Variants in GPC6 observed in about 807,000 individuals in gnomAD.
The protein encoded by GPC6 is glypican 6, also known as glypican-6.
Under a neutral mutation model 55.2 loss-of-function variants are expected in GPC6, and 14 were observed. The ratio of observed to expected loss-of-function variants is 0.25; its 90% CI spans 0.17 to 0.40. The LOEUF is 0.40. Ranked by LOEUF, GPC6 falls within the 10% of genes least tolerant of loss-of-function variation. The pLI is 1.00. For missense variants in GPC6, 641 were observed against 708.5 expected (o/e 0.90, Z 1.08); for synonymous variants, 278 against 259.6 (o/e 1.07, Z -0.68).
chr13:94,312,842 A>G (rs944986791), intron 6 of GPC6, among the ~76,000 whole-genome samples: 1 of 152,256 alleles, frequency 6.6e-6, no homozygotes, highest in African/African-American at 2.4e-5. Flanking sequence ...TTCTAAAGAT[A>G]AATGGGTCAA....
intron 7 of GPC6, among the ~76,000 whole-genome samples, chr13:94,393,945 C>T (rs752024096): frequency 7.2e-5 from 11 of 152,056 alleles, no homozygotes; most frequent in Admixed American, 3.9e-4. Flanking sequence ...TTGAGAATAG[C>T]GGGGGCTGTG....
At chr13:93,726,356 CAA>C (rs1249528968) in intron 2 of GPC6, among the ~76,000 whole-genome samples, 1 of 152,006 alleles carries the variant, frequency 6.6e-6, no homozygotes, top group African/African-American at 2.4e-5. Flanking sequence ...AAATTGGCTT[CAA>C]GTTTCCACCT....
chr13:93,415,551 A>G (rs1876666135), intron 1 of GPC6, among the ~76,000 whole-genome samples: 2 of 152,142 alleles, frequency 1.3e-5, no homozygotes, highest in Admixed American at 1.3e-4. Context: ...TCAGAAGATT[A>G]GTCACTGGGT....
chr13:94,020,559 T>A (rs1047464176), intron 3 of GPC6, among the ~76,000 whole-genome samples: 3 of 152,184 alleles, frequency 2.0e-5, no homozygotes, highest in Admixed American at 2.0e-4. Flanking sequence ...TGGCACTGTG[T>A]CTGCCATTTG....
chr13:93,355,952 C>T (rs1325533932), intron 1 of GPC6, among the ~76,000 whole-genome samples: 2 of 152,052 alleles, frequency 1.3e-5, no homozygotes, highest in Non-Finnish European at 2.9e-5. Flanking sequence ...GATGGAGGCT[C>T]TGTGATATTG....
intron 3 of GPC6, among the ~76,000 whole-genome samples, chr13:93,944,206 ATTTATTTATTTT>A (rs899233336): frequency 5.9e-5 from 4 of 67,384 alleles, no homozygotes; most frequent in South Asian, 4.8e-4. Flanking sequence ...TTATTTATTT[ATTTATTTATTTT>A]TTCCTGACGG....
intron 5 of GPC6, among the ~76,000 whole-genome samples, chr13:94,304,748 G>T (rs1037768974): frequency 7.2e-5 from 11 of 152,184 alleles, no homozygotes; most frequent in African/African-American, 2.7e-4. Context: ...AATCACTGTG[G>T]AAAAGAACTG....
At chr13:94,156,549 G>T (rs1268037764) in intron 4 of GPC6, among the ~76,000 whole-genome samples, 1 of 152,128 alleles carries the variant, frequency 6.6e-6, no homozygotes, top group Non-Finnish European at 1.5e-5. Context: ...AAATGTGATA[G>T]TACTGTTGGA....
intron 4 of GPC6, among the ~76,000 whole-genome samples, chr13:94,039,084 G>A (rs541168720): frequency 6.6e-6 from 1 of 152,084 alleles, no homozygotes; most frequent in African/African-American, 2.4e-5. Context: ...GTGGTAGGAA[G>A]GTAGGAATAA....
At chr13:93,324,638 A>T (rs1879587127) in intron 1 of GPC6, among the ~76,000 whole-genome samples, 1 of 147,670 alleles carries the variant, frequency 6.8e-6, no homozygotes, top group South Asian at 2.1e-4. Context: ...CTAGACAACA[A>T]AATATGTACT....
intron 2 of GPC6, among the ~76,000 whole-genome samples, chr13:93,802,346 C>T (rs1465900936): frequency 6.6e-6 from 1 of 151,992 alleles, no homozygotes; most frequent in Admixed American, 6.6e-5. Flanking sequence ...AGACACTTCC[C>T]CTTCCCGAAT....
chr13:94,006,573 C>G (rs1882029096), intron 3 of GPC6, among the ~76,000 whole-genome samples: 1 of 152,124 alleles, frequency 6.6e-6, no homozygotes, highest in Non-Finnish European at 1.5e-5. Flanking sequence ...AAGTAAAAAC[C>G]AGGAGGCAGT....
chr13:93,318,945 G>T (rs1879335791), intron 1 of GPC6, among the ~76,000 whole-genome samples: 2 of 152,154 alleles, frequency 1.3e-5, no homozygotes. Flanking sequence ...TCAGAATGAG[G>T]TTTATTCTAT....
chr13:94,373,037 G>A (rs1272875858), intron 6 of GPC6, among the ~76,000 whole-genome samples: 3 of 152,156 alleles, frequency 2.0e-5, no homozygotes, highest in African/African-American at 4.8e-5. Flanking sequence ...AAAACAGAAA[G>A]GACATCCACA....
At chr13:94,115,900 G>A (rs747501872) in intron 4 of GPC6, among the ~76,000 whole-genome samples, 1 of 151,936 alleles carries the variant, frequency 6.6e-6, no homozygotes, top group Non-Finnish European at 1.5e-5. Flanking sequence ...AAGTCCTACG[G>A]TGATTCTTTT....
intron 1 of GPC6, among the ~76,000 whole-genome samples, chr13:93,521,411 A>AT (rs1881417786): frequency 6.6e-6 from 1 of 151,990 alleles, no homozygotes; most frequent in Non-Finnish European, 1.5e-5. Context: ...CATCACTTAA[A>AT]TGTGACAGCC....
chr13:93,297,331 G>A (rs4773729), intron 1 of GPC6, among the ~76,000 whole-genome samples: 4,252 of 152,246 alleles, frequency 0.028, 172 homozygotes, highest in East Asian at 0.14. Context: ...AGGATAAATA[G>A]CTAATGCATG....
intron 1 of GPC6, among the ~76,000 whole-genome samples, chr13:93,416,476 T>C (rs1876701415): frequency 6.6e-6 from 1 of 152,090 alleles, no homozygotes; most frequent in African/African-American, 2.4e-5. Flanking sequence ...AGGCATGCAA[T>C]GTGAAATAGT....
intron 4 of GPC6, among the ~76,000 whole-genome samples, chr13:94,087,477 T>C (rs1032691389): frequency 1.3e-5 from 2 of 152,230 alleles, no homozygotes; most frequent in Admixed American, 6.5e-5. Flanking sequence ...CATTGTTTGA[T>C]CAGCTACTTG....
Sources: gnomAD v4.1 joint callset for allele counts (sites outside exome capture counted in the v4.1 genomes callset) on GRCh38, gnomAD v4.1.1 for gene constraint, MANE v1.5 for transcripts, NCBI Gene and HGNC (gene_info 2026-07-23, HGNC 2026-07-21) for gene names.